The following KLF8 variants were observed in gnomAD, a reference collection of about 807,000 sequenced individuals.
KLF8 encodes the protein Krueppel-like factor 8.
In KLF8, 10 loss-of-function variants were observed where a neutral mutation model predicts 18.2. The ratio of observed to expected loss-of-function variants is 0.55; its 90% CI spans 0.34 to 0.93. KLF8 has a LOEUF of 0.93. Ranked by LOEUF, KLF8 falls within the 40% of genes least tolerant of loss-of-function variation. The pLI is 0.02. For synonymous variants in KLF8, 109 were observed against 97.3 expected (o/e 1.12, Z -0.71); for missense variants, 264 against 277.9 (o/e 0.95, Z 0.36).
chrX:55,992,579 G>A, the KLF8 span, among the ~76,000 whole-genome samples: 28 of 111,611 alleles, frequency 2.5e-4, no homozygotes, highest in African/African-American at 8.8e-4. Context: ...TGACTATTTG[G>A]GATACTTTTT....
chrX:56,268,988 T>C, intron 3 of KLF8: 1 of 898,555 alleles, frequency 1.1e-6, no homozygotes, highest in Non-Finnish European at 1.4e-6. Flanking sequence ...CCAGGAGCTA[T>C]TCAGTGAGTT....
chrX:56,022,572 G>GA, the KLF8 span, among the ~76,000 whole-genome samples: 18 of 82,240 alleles, frequency 2.2e-4, no homozygotes, highest in Non-Finnish European at 2.6e-4. Flanking sequence ...AAAAAAAGAA[G>GA]AAAAAAAAAA....
the KLF8 span, among the ~76,000 whole-genome samples, chrX:56,065,405 A>G: frequency 8.9e-6 from 1 of 112,144 alleles, no homozygotes; most frequent in Admixed American, 9.5e-5. Context: ...CAATGAATTA[A>G]TTAGTTCCAG....
chrX:56,051,005 C>G, the KLF8 span, among the ~76,000 whole-genome samples: 1 of 109,678 alleles, frequency 9.1e-6, no homozygotes, highest in Middle Eastern at 4.6e-3. Flanking sequence ...TTGAATTGAT[C>G]CCTTTACCAT....
chrX:55,957,640 A>G, the KLF8 span, among the ~76,000 whole-genome samples: 189 of 111,633 alleles, frequency 1.7e-3, 1 homozygote, highest in Non-Finnish European at 3.1e-3. Flanking sequence ...GTATTTTATT[A>G]TTGTTGATGC....
chrX:56,092,165 G>A, the KLF8 span, among the ~76,000 whole-genome samples: 8 of 109,972 alleles, frequency 7.3e-5, no homozygotes, highest in Non-Finnish European at 1.5e-4. Context: ...TTTTAAATAG[G>A]GTTATTTGTT....
At chrX:56,008,137 T>TATATATATATATAC in the KLF8 span, among the ~76,000 whole-genome samples, 197 of 106,446 alleles carry the variant, frequency 1.9e-3, 1 homozygote, top group African/African-American at 6.6e-3. Flanking sequence ...TATATATATA[T>TATATATATATATAC]ACACACACAA....
chrX:56,186,211 G>A, the KLF8 span, among the ~76,000 whole-genome samples: 1 of 111,279 alleles, frequency 9.0e-6, no homozygotes, highest in Non-Finnish European at 1.9e-5. Context: ...ACAGAAAAAG[G>A]CAGGGGTTGC....
the KLF8 span, among the ~76,000 whole-genome samples, chrX:56,156,694 G>A: frequency 1.9e-5 from 2 of 107,952 alleles, no homozygotes; most frequent in Non-Finnish European, 3.8e-5. Flanking sequence ...TTTAACATTA[G>A]GTATATCTCC....
chrX:55,942,422 G>T, the KLF8 span, among the ~76,000 whole-genome samples: 5 of 110,354 alleles, frequency 4.5e-5, no homozygotes, highest in South Asian at 2.0e-3. Flanking sequence ...AATGTTAAAG[G>T]TTGAGTTAAT....
the KLF8 span, among the ~76,000 whole-genome samples, chrX:55,945,359 G>A: frequency 2.0e-4 from 22 of 111,436 alleles, 1 homozygote; most frequent in African/African-American, 7.2e-4. Context: ...ACTTGGTGCA[G>A]AGCTGAGTTC....
chrX:56,279,548 A>G (rs2067170005), intron 5 of KLF8, among the ~76,000 whole-genome samples: 1 of 112,147 alleles, frequency 8.9e-6, no homozygotes, highest in African/African-American at 3.2e-5. Flanking sequence ...CTAATAACTG[A>G]TACTAGTTCA....
At chrX:56,010,552 A>G in the KLF8 span, among the ~76,000 whole-genome samples, 9 of 111,811 alleles carry the variant, frequency 8.0e-5, no homozygotes, top group Non-Finnish European at 1.7e-4. Flanking sequence ...CAACTACATC[A>G]ACAAGTCTGC....
chrX:56,214,154 T>C, the KLF8 span, among the ~76,000 whole-genome samples: 1 of 110,096 alleles, frequency 9.1e-6, no homozygotes, highest in East Asian at 2.9e-4. Context: ...AAGCCTGGAG[T>C]TTTTATGGGT....
At chrX:56,240,653 G>C (rs1199740966) in intron 1 of KLF8, among the ~76,000 whole-genome samples, 1 of 110,587 alleles carries the variant, frequency 9.0e-6, no homozygotes. Flanking sequence ...TTGCTGCAAA[G>C]ATATAAAAAC....
chrX:56,222,898 C>T, the KLF8 span, among the ~76,000 whole-genome samples: 1 of 112,987 alleles, frequency 8.9e-6, no homozygotes, highest in African/African-American at 3.2e-5. Context: ...GGCCCGCAAG[C>T]GCCGTGTGCA....
At chrX:56,005,402 A>T in the KLF8 span, among the ~76,000 whole-genome samples, 1 of 112,036 alleles carries the variant, frequency 8.9e-6, no homozygotes, top group Non-Finnish European at 1.9e-5. Context: ...GTGGCATACC[A>T]GTGAGAGCAA....
the KLF8 span, among the ~76,000 whole-genome samples, chrX:56,212,685 A>G: frequency 1.2e-4 from 13 of 112,184 alleles, 1 homozygote; most frequent in Admixed American, 1.2e-3. Flanking sequence ...GAGGTGTGGC[A>G]CTGGCAACTC....
chrX:55,930,012 G>A, the KLF8 span, among the ~76,000 whole-genome samples: 2 of 110,654 alleles, frequency 1.8e-5, no homozygotes, highest in Non-Finnish European at 3.8e-5. Flanking sequence ...TCCTACCCAT[G>A]AGCATGAAAT....
Sources: gnomAD v4.1 joint callset for allele counts (sites outside exome capture counted in the v4.1 genomes callset) on GRCh38, gnomAD v4.1.1 for gene constraint, MANE v1.5 for transcripts, NCBI Gene and HGNC (gene_info 2026-07-23, HGNC 2026-07-21) for gene names.